The following TAFA4 variants were observed in gnomAD, a reference collection of about 807,000 sequenced individuals.
TAFA4 encodes chemokine-like protein TAFA-4.
TAFA4 carries 20 observed loss-of-function variants against 21.1 expected under a neutral mutation model. The ratio of observed to expected loss-of-function variants is 0.95; its 90% CI spans 0.67 to 1.38. TAFA4 has a LOEUF of 1.38. TAFA4 is among the 40% of genes most tolerant of loss of function. The pLI is 0.00. For missense variants in TAFA4, 211 were observed against 180.9 expected (o/e 1.17, Z -0.95); for synonymous variants, 71 against 67.4 (o/e 1.05, Z -0.26).
At chr3:68,927,794 A>G (rs969027419) in intron 1 of TAFA4, among the ~76,000 whole-genome samples, 5 of 151,946 alleles carry the variant, frequency 3.3e-5, no homozygotes, top group Admixed American at 2.0e-4. Flanking sequence ...GCTACTCAGG[A>G]GGGTGAAGCA....
At chr3:68,901,146 C>A (rs1388752943) in intron 1 of TAFA4, among the ~76,000 whole-genome samples, 2 of 152,044 alleles carry the variant, frequency 1.3e-5, no homozygotes, top group African/African-American at 4.8e-5. Context: ...ACAAAGAAAG[C>A]CAGACTTCAC....
chr3:68,777,316 A>G (rs1703066078), intron 3 of TAFA4, among the ~76,000 whole-genome samples: 1 of 152,120 alleles, frequency 6.6e-6, no homozygotes, highest in Non-Finnish European at 1.5e-5. Context: ...ACAAAGTGAC[A>G]TATTTTAAGC....
At chr3:68,795,938 A>T (rs544770513) in intron 3 of TAFA4, among the ~76,000 whole-genome samples, 26 of 152,318 alleles carry the variant, frequency 1.7e-4, no homozygotes, top group African/African-American at 6.3e-4. Flanking sequence ...GCCCAGTAAC[A>T]CCGTGATTCT....
At chr3:68,888,968 A>AGT (rs1232442771) in intron 1 of TAFA4, among the ~76,000 whole-genome samples, 3 of 152,196 alleles carry the variant, frequency 2.0e-5, no homozygotes, top group African/African-American at 7.2e-5. Context: ...CAGTACATTC[A>AGT]AGATCGATAA....
chr3:68,923,591 AT>A (rs1453990991), intron 1 of TAFA4, among the ~76,000 whole-genome samples: 1 of 152,182 alleles, frequency 6.6e-6, no homozygotes, highest in Non-Finnish European at 1.5e-5. Flanking sequence ...CAGCACTAAT[AT>A]TAACAGCCTC....
intron 3 of TAFA4, among the ~76,000 whole-genome samples, chr3:68,828,548 T>A (rs1704307173): frequency 6.6e-6 from 1 of 152,186 alleles, no homozygotes; most frequent in Admixed American, 6.5e-5. Flanking sequence ...CCTCTTTTAT[T>A]TCATTGAGCA....
At chr3:68,829,224 G>C (rs191553252) in intron 3 of TAFA4, among the ~76,000 whole-genome samples, 1 of 152,134 alleles carries the variant, frequency 6.6e-6, no homozygotes, top group Non-Finnish European at 1.5e-5. Context: ...GAACAGGACA[G>C]AGGCCTCAGA....
chr3:68,899,979 C>G (rs990060553), intron 1 of TAFA4, among the ~76,000 whole-genome samples: 12 of 151,790 alleles, frequency 7.9e-5, no homozygotes, highest in African/African-American at 2.4e-4. Context: ...GTAGCTCACA[C>G]CTGTAATCCC....
At chr3:68,772,026 GA>G (rs201158613) in intron 3 of TAFA4, among the ~76,000 whole-genome samples, 2,594 of 149,456 alleles carry the variant, frequency 0.017, 75 homozygotes, top group African/African-American at 0.062. Flanking sequence ...GAGGGATGAA[GA>G]TTTTTTTTTT....
At chr3:68,756,968 T>G (rs1292244869) in intron 3 of TAFA4, among the ~76,000 whole-genome samples, 1 of 152,040 alleles carries the variant, frequency 6.6e-6, no homozygotes, top group Non-Finnish European at 1.5e-5. Context: ...ATCAGCAACT[T>G]TCAGTCAAAC....
intron 3 of TAFA4, among the ~76,000 whole-genome samples, chr3:68,809,291 T>C (rs1206462750): frequency 2.6e-5 from 4 of 152,162 alleles, no homozygotes; most frequent in Non-Finnish European, 5.9e-5. Flanking sequence ...TCAAAATAAA[T>C]GTTTCATTGA....
intron 4 of TAFA4, among the ~76,000 whole-genome samples, chr3:68,743,025 C>T (rs1256759220): frequency 6.6e-6 from 1 of 152,148 alleles, no homozygotes; most frequent in Admixed American, 6.5e-5. Flanking sequence ...ACTGAAGGGG[C>T]CAGACATTGT....
intron 3 of TAFA4, among the ~76,000 whole-genome samples, chr3:68,771,471 G>A (rs1046815124): frequency 6.6e-6 from 1 of 152,202 alleles, no homozygotes; most frequent in Non-Finnish European, 1.5e-5. Flanking sequence ...GAGCAGCGGG[G>A]CACTGAAAAT....
intron 3 of TAFA4, among the ~76,000 whole-genome samples, chr3:68,774,229 A>C (rs1182454405): frequency 6.6e-6 from 1 of 152,254 alleles, no homozygotes; most frequent in Non-Finnish European, 1.5e-5. Context: ...ATTTATAAAC[A>C]AGGCCAAATG....
chr3:68,868,372 A>G (rs1188846386), intron 3 of TAFA4, among the ~76,000 whole-genome samples: 1 of 152,054 alleles, frequency 6.6e-6, no homozygotes, highest in Non-Finnish European at 1.5e-5. Context: ...ACAAAGAAAC[A>G]TCAGAGTTAA....
At chr3:68,920,922 T>G (rs2090055231) in intron 1 of TAFA4, among the ~76,000 whole-genome samples, 1 of 152,204 alleles carries the variant, frequency 6.6e-6, no homozygotes, top group Admixed American at 6.5e-5. Flanking sequence ...TAGTCTTCCA[T>G]AGAAGCCATC....
intron 4 of TAFA4, among the ~76,000 whole-genome samples, chr3:68,739,548 G>GTTATATCAA (rs1305410275): frequency 1.3e-5 from 2 of 152,200 alleles, no homozygotes; most frequent in Non-Finnish European, 2.9e-5. Context: ...AAAAGAGACT[G>GTTATATCAA]TTATATCAAA....
At chr3:68,754,261 A>G (rs1468167944) in intron 3 of TAFA4, among the ~76,000 whole-genome samples, 2 of 152,228 alleles carry the variant, frequency 1.3e-5, no homozygotes, top group African/African-American at 2.4e-5. Flanking sequence ...CAATGTCCCA[A>G]TAATGCCTTT....
At chr3:68,918,861 C>T (rs2090030559) in intron 1 of TAFA4, among the ~76,000 whole-genome samples, 1 of 152,142 alleles carries the variant, frequency 6.6e-6, no homozygotes, top group African/African-American at 2.4e-5. Flanking sequence ...GCTTTAAAAC[C>T]AGATTTTTAT....
Sources: gnomAD v4.1 joint callset for allele counts (sites outside exome capture counted in the v4.1 genomes callset) on GRCh38, gnomAD v4.1.1 for gene constraint, MANE v1.5 for transcripts, NCBI Gene and HGNC (gene_info 2026-07-23, HGNC 2026-07-21) for gene names.